The following EML5 variants were observed in gnomAD, a reference collection of about 807,000 sequenced individuals.
EML5 encodes EMAP like 5.
EML5 carries 120 observed loss-of-function variants against 250.0 expected under a neutral mutation model. The ratio of observed to expected loss-of-function variants is 0.48; its 90% CI spans 0.41 to 0.56. The LOEUF (loss-of-function observed/expected upper bound fraction) is 0.56. EML5 is among the 20% of genes least tolerant of loss of function. The pLI, the probability that EML5 is intolerant of heterozygous loss-of-function variation, is 0.00. For missense variants in EML5, 2,006 were observed against 2,437.6 expected (o/e 0.82, Z 3.73); for synonymous variants, 771 against 806.5 (o/e 0.96, Z 0.75).
At chr14:88,687,186 A>G in intron 19 of EML5, 30 bp downstream of exon 19, 1 of 1,527,856 alleles carries the variant, frequency 6.5e-7, no homozygotes, top group South Asian at 1.2e-5. Flanking sequence ...TTTTTTTCCT[A>G]TACAAAAACC....
intron 33 of EML5, among the ~76,000 whole-genome samples, chr14:88,633,278 TTTTATTTA>T (rs935879711): frequency 6.6e-6 from 1 of 152,080 alleles, no homozygotes; most frequent in African/African-American, 2.4e-5. Context: ...GTATTTTAGT[TTTTATTTA>T]TTTATTTATT....
chr14:88,783,798 A>T (rs2094522643), intron 1 of EML5, among the ~76,000 whole-genome samples: 1 of 152,236 alleles, frequency 6.6e-6, no homozygotes, highest in Admixed American at 6.5e-5. Context: ...AATGTGCACT[A>T]TAGACCAAAT....
intron 6 of EML5, among the ~76,000 whole-genome samples, chr14:88,737,208 C>T (rs541418050): frequency 1.6e-4 from 25 of 152,290 alleles, no homozygotes; most frequent in African/African-American, 6.0e-4. Context: ...GAGAGGGAGC[C>T]GCTGGGCACC....
chr14:88,670,082 C>T (rs139900213), intron 21 of EML5, among the ~76,000 whole-genome samples: 96 of 151,502 alleles, frequency 6.3e-4, no homozygotes, highest in South Asian at 2.7e-3. Context: ...TTTGGGAGGC[C>T]GAGGCAGGTG....
At chr14:88,775,218 T>G (rs1418858117) in intron 1 of EML5, among the ~76,000 whole-genome samples, 1 of 152,242 alleles carries the variant, frequency 6.6e-6, no homozygotes, top group African/African-American at 2.4e-5. Flanking sequence ...AAACTCCTTT[T>G]GCTTGAGAAA....
intron 33 of EML5, among the ~76,000 whole-genome samples, chr14:88,629,157 G>T (rs1233486471): frequency 2.0e-5 from 3 of 151,930 alleles, no homozygotes; most frequent in Non-Finnish European, 4.4e-5. Context: ...ATTTTTATAT[G>T]TTTACAAAAT....
chr14:88,651,850 A>AG (rs1311571192), intron 27 of EML5, among the ~76,000 whole-genome samples: 1 of 152,118 alleles, frequency 6.6e-6, no homozygotes, highest in East Asian at 1.9e-4. Flanking sequence ...TTTCATTCCA[A>AG]GGGATAAGGT....
At position 88,744,078 on chromosome 14, in the gene EML5, G is replaced by A; in HGVS notation, c.470C>T (p.Ser157Phe). The change falls in exon 4 of 44, where the codon TCT (serine) becomes TTT (phenylalanine). Residue 157 changes from serine (S) to phenylalanine (F), a missense_variant. Transcript: ENST00000554922. Reference sequence around the variant, plus strand: ...TTTATTTGGCTGGTACAAATCCCAAGAAATATCAAATATCTGTAAACAAAT... The same window carrying A: ...TTTATTTGGCTGGTACAAATCCCAAAAAATATCAAATATCTGTAAACAAAT... ...PGHTDRIFDI[S>F]WDLYQPNKLV... 1.3e-6 allele frequency: 2 copies of A among 1,566,996 alleles called. No homozygotes were observed. Among genetic ancestry groups the A allele is most frequent in the Non-Finnish European group, 1.7e-6 (2 of 1,152,656 alleles).
chr14:88,640,105 T>C (rs1163817124), intron 31 of EML5, among the ~76,000 whole-genome samples: 1 of 152,010 alleles, frequency 6.6e-6, no homozygotes, highest in Non-Finnish European at 1.5e-5. Flanking sequence ...AAAACAAAAA[T>C]CAAACAAGTG....
chr14:88,710,569 CT>C lies in EML5; in HGVS notation c.1657+1701del, dbSNP rs1432320206. On this transcript the variant is annotated intron_variant, in intron 10 of 43. Coordinates refer to ENST00000554922, the MANE Select transcript of EML5 (RefSeq NM_183387.3). ...TATGTGAATTCAATTAATACATAAT[CT>C]TTTTTGGCCTAAGTGGTCTGCAAAA... Among the ~76,000 whole-genome samples the C allele has an allele frequency of 2.0e-5, 3 of 152,248 alleles. No individual in the cohort carries two copies. The East Asian group carries it at 5.8e-4, about 29-fold the overall frequency.
rs915110669 is a variant in EML5, at chr14:88,613,939, T to G, written c.*1879A>C. 4.6e-5 allele frequency: 7 copies of G among 152,236 alleles called. No homozygotes were observed. The highest frequency in any genetic ancestry group is 1.7e-4 in the African/African-American group (7 of 41,470). The allele number at this position is 152,236 out of a possible 1,614,324, so 9.4% of individuals were successfully genotyped here. A position where few individuals can be genotyped will look rare whatever the true frequency, so the allele number is the denominator to read the frequency against. On this transcript the variant is annotated 3_prime_UTR_variant, in exon 44 of 44. Transcript: ENST00000554922. ...TCAGCTGATGACTACTTAGTCAATA[T>G]GACCTTTAGTCGTGAAACTGACAGC... is the stretch of plus-strand genomic sequence containing the variant.
intron 21 of EML5, among the ~76,000 whole-genome samples, chr14:88,680,662 T>C (rs1217200942): frequency 6.6e-6 from 1 of 152,102 alleles, no homozygotes; most frequent in Non-Finnish European, 1.5e-5. Flanking sequence ...AAAATACTCA[T>C]AGTGATAATC....
At chr14:88,721,460 C>T (rs1223557481) in intron 8 of EML5, among the ~76,000 whole-genome samples, 1 of 152,096 alleles carries the variant, frequency 6.6e-6, no homozygotes, top group Non-Finnish European at 1.5e-5. Context: ...AGAAATAAGA[C>T]CACACATCTA....
intron 32 of EML5, 55 bp from the exon 33 acceptor site, chr14:88,634,544 A>C (rs1353443089): frequency 9.6e-6 from 10 of 1,038,706 alleles, no homozygotes; most frequent in African/African-American, 1.7e-5. Context: ...ATCTGTAAAA[A>C]CCCAAATATC....
chr14:88,739,057 A>G (rs1162000754), intron 5 of EML5, 43 bp from the exon 6 acceptor site: 1 of 1,546,672 alleles, frequency 6.5e-7, no homozygotes, highest in Non-Finnish European at 8.7e-7. Context: ...ATATTTTTTA[A>G]GAACATCTAC....
chr14:88,755,177 T>C (rs978944328), intron 1 of EML5, among the ~76,000 whole-genome samples: 2 of 152,218 alleles, frequency 1.3e-5, no homozygotes, highest in African/African-American at 4.8e-5. Context: ...GAATATGTGA[T>C]AAACAGTTAA....
chr14:88,742,340 G>A lies in EML5; in HGVS notation c.525+1683C>T, dbSNP rs74075868. Among the ~76,000 whole-genome samples, 400 of 152,008 alleles carry A rather than the reference G, an allele frequency of 2.6e-3. 3 individuals carry two copies. The highest frequency in any genetic ancestry group is 9.0e-3 in the African/African-American group (375 of 41,474). Reference sequence around the variant, plus strand: ...GTACTGCTAGTGTGACTGAGGAAATGAATTTTAAGTTTCATTTAACTAATT... The same window carrying A: ...GTACTGCTAGTGTGACTGAGGAAATAAATTTTAAGTTTCATTTAACTAATT... On this transcript the variant is annotated intron_variant, in intron 4 of 43. Transcript: ENST00000554922.
intron 21 of EML5, among the ~76,000 whole-genome samples, chr14:88,673,770 G>C (rs953308865): frequency 6.6e-6 from 1 of 152,110 alleles, no homozygotes; most frequent in Non-Finnish European, 1.5e-5. Context: ...ATGAATTCCT[G>C]TTCACAATTG....
At chr14:88,662,542 CTT>C (rs56347693) in intron 24 of EML5, among the ~76,000 whole-genome samples, 24 of 121,634 alleles carry the variant, frequency 2.0e-4, no homozygotes, top group Admixed American at 4.6e-4. Context: ...TGATTTATTC[CTT>C]TTTTTTTTTT....
Sources: allele counts gnomAD v4.1 joint callset (sites outside exome capture counted in the v4.1 genomes callset), GRCh38; gene constraint gnomAD v4.1.1; transcripts MANE v1.5; gene names NCBI Gene and HGNC (gene_info 2026-07-23, HGNC 2026-07-21).